Variants in NT5DC3 observed in about 807,000 individuals in gnomAD.
The protein encoded by NT5DC3 is 5'-nucleotidase domain containing 3.
A neutral mutation model predicts 67.8 loss-of-function variants in NT5DC3; 42 were observed. The ratio of observed to expected loss-of-function variants is 0.62; its 90% CI spans 0.48 to 0.80. The LOEUF (loss-of-function observed/expected upper bound fraction) is 0.80. Ranked by LOEUF, NT5DC3 falls within the 30% of genes least tolerant of loss-of-function variation. The probability of loss-of-function intolerance (pLI) is 0.00; values close to 1 mark genes in which losing one functional copy is unlikely to be tolerated. For synonymous variants in NT5DC3, 237 were observed against 255.6 expected (o/e 0.93, Z 0.69); for missense variants, 570 against 696.4 (o/e 0.82, Z 2.04).
At chr12:103,779,782 A>C (rs1885472182) in intron 13 of NT5DC3, among the ~76,000 whole-genome samples, 1 of 152,200 alleles carries the variant, frequency 6.6e-6, no homozygotes, top group Admixed American at 6.5e-5. Context: ...GGTTCCCTTA[A>C]GACAGACACC....
intron 1 of NT5DC3, among the ~76,000 whole-genome samples, chr12:103,836,766 G>A (rs1408931490): frequency 6.6e-6 from 1 of 152,190 alleles, no homozygotes; most frequent in Non-Finnish European, 1.5e-5. Flanking sequence ...GGGTTCCCAT[G>A]CTCTTGGGCC....
Position 103,787,605 on chromosome 12 carries a change from T to C in NT5DC3, c.1102-78A>G, listed in dbSNP as rs2139321625. On this transcript the variant is annotated intron_variant, in intron 10 of 13. Transcript: ENST00000392876. ...ACCCACAGTACAAAATATAAAACTT[T>C]TAAAAATTGTTGTTTTTATAACTTA... The C allele has an allele frequency of 4.1e-6, 3 of 724,788 alleles. No individual in the cohort carries two copies. The Admixed American group carries it at 9.4e-5, about 23-fold the overall frequency. 44.9% of individuals were successfully genotyped at this position (724,788 alleles called of 1,614,324 possible). A position where few individuals can be genotyped will look rare whatever the true frequency, so the allele number is the denominator to read the frequency against.
At chr12:103,760,908 G>A in the NT5DC3 span, among the ~76,000 whole-genome samples, 1 of 152,170 alleles carries the variant, frequency 6.6e-6, no homozygotes, top group African/African-American at 2.4e-5. Flanking sequence ...CACAAGCCAG[G>A]AAATCACACT....
intron 11 of NT5DC3, chr12:103,785,871 G>T: frequency 5.2e-6 from 2 of 386,636 alleles, no homozygotes; most frequent in Non-Finnish European, 9.9e-6. Context: ...AGGCCCTCTG[G>T]GTTATGGAGA....
chr12:103,840,347 C>G (rs534036286), intron 1 of NT5DC3, among the ~76,000 whole-genome samples: 1 of 149,810 alleles, frequency 6.7e-6, no homozygotes, highest in Non-Finnish European at 1.5e-5. Context: ...CCTTCCCCAC[C>G]TGGACCTCTC....
rs1253583976 is a variant in NT5DC3, at chr12:103,785,270, C to A, written c.1329+65G>T. ...TTTTATAACAATTAAGCAGAAAATA[C>A]CTGAAGTAACTTTCTAACCTCAGGC... is the stretch of plus-strand genomic sequence containing the variant. On this transcript the variant is annotated intron_variant, in intron 12 of 13. Transcript: ENST00000392876. The A allele has an allele frequency of 1.0e-5, 15 of 1,481,422 alleles. No individual in the cohort carries two copies. In the South Asian group the frequency reaches 1.4e-4, roughly 14 times the overall value. 91.8% of individuals were successfully genotyped at this position (1,481,422 alleles called of 1,614,324 possible).
intron 6 of NT5DC3, among the ~76,000 whole-genome samples, chr12:103,795,606 C>A (rs4964814): frequency 0.37 from 55,845 of 151,892 alleles, 11,347 homozygotes; most frequent in East Asian, 0.88. Flanking sequence ...CCAAAACTTA[C>A]ATTTACTTAT....
At chr12:103,838,543 A>G (rs987653128) in intron 1 of NT5DC3, among the ~76,000 whole-genome samples, 3 of 152,220 alleles carry the variant, frequency 2.0e-5, no homozygotes, top group Non-Finnish European at 4.4e-5. Flanking sequence ...AAAACTAAAC[A>G]TGCAATTGCC....
the NT5DC3 span, chr12:103,758,234 T>C: frequency 1.2e-6 from 2 of 1,614,122 alleles, no homozygotes; most frequent in African/African-American, 1.3e-5. Flanking sequence ...CTGACTGACC[T>C]GTCCATCCGC....
At chr12:103,807,933 C>T (rs918674013) in intron 2 of NT5DC3, among the ~76,000 whole-genome samples, 1 of 152,234 alleles carries the variant, frequency 6.6e-6, no homozygotes. Context: ...CATTAAACCT[C>T]TTTTTCTCTA....
the NT5DC3 span, chr12:103,755,290 G>A: frequency 2.2e-5 from 36 of 1,613,168 alleles, no homozygotes; most frequent in South Asian, 3.8e-4. Flanking sequence ...GGCCCTGTCT[G>A]TATCCCTGCA....
chr12:103,828,776 C>T (rs1887803842), intron 1 of NT5DC3, among the ~76,000 whole-genome samples: 1 of 150,072 alleles, frequency 6.7e-6, no homozygotes, highest in Non-Finnish European at 1.5e-5. Context: ...CAGCTCACTG[C>T]AACACTCTGC....
chr12:103,790,878 A>AG (rs1886024402), intron 9 of NT5DC3, among the ~76,000 whole-genome samples: 1 of 151,268 alleles, frequency 6.6e-6, no homozygotes, highest in Non-Finnish European at 1.5e-5. Flanking sequence ...TTTAGTAGAG[A>AG]GGGGGTTTCA....
chr12:103,838,726 TAAAC>T (rs139049355), intron 1 of NT5DC3, among the ~76,000 whole-genome samples: 2,393 of 152,292 alleles, frequency 0.016, 68 homozygotes, highest in African/African-American at 0.054. Context: ...AATCTGTGGT[TAAAC>T]AAACAATTAA....
intron 4 of NT5DC3, among the ~76,000 whole-genome samples, chr12:103,805,550 A>G (rs1015007573): frequency 2.0e-5 from 3 of 152,190 alleles, no homozygotes; most frequent in Admixed American, 6.5e-5. Flanking sequence ...CTCCATTTTA[A>G]AAGTTACAAA....
chr12:103,750,473 G>GTCCA, the NT5DC3 span: 1 of 1,431,114 alleles, frequency 7.0e-7, no homozygotes, highest in Admixed American at 1.9e-5. Flanking sequence ...CGTTCTCTTG[G>GTCCA]TCCATCTGAA....
chr12:103,761,412 T>C, the NT5DC3 span: 2 of 1,613,056 alleles, frequency 1.2e-6, no homozygotes, highest in African/African-American at 1.3e-5. Flanking sequence ...GCCCCCGTGG[T>C]GAGTATCTAG....
chr12:103,761,500 C>A, the NT5DC3 span: 2 of 1,151,610 alleles, frequency 1.7e-6, no homozygotes, highest in East Asian at 2.4e-5. Flanking sequence ...CCCTGTCCTC[C>A]TCCCTCTTCC....
chr12:103,763,739 T>TA, the NT5DC3 span: 1 of 891,736 alleles, frequency 1.1e-6, no homozygotes, highest in South Asian at 1.8e-5. Context: ...GTAACAAGCC[T>TA]AAAAGCCAGT....
Sources: allele counts gnomAD v4.1 joint callset (sites outside exome capture counted in the v4.1 genomes callset), GRCh38; gene constraint gnomAD v4.1.1; transcripts MANE v1.5; gene names NCBI Gene and HGNC (gene_info 2026-07-23, HGNC 2026-07-21).